TSNARE1: variants seen among roughly 807,000 people sequenced by gnomAD.
The protein encoded by TSNARE1 is t-SNARE domain containing 1.
Under a neutral mutation model 62.0 loss-of-function variants are expected in TSNARE1, and 49 were observed. That is an observed-to-expected ratio of 0.79 (90% confidence interval 0.63 to 1.00). TSNARE1 has a LOEUF of 1.00. Ranked by LOEUF, TSNARE1 falls within the 50% of genes least tolerant of loss-of-function variation. The pLI, the probability that TSNARE1 is intolerant of heterozygous loss-of-function variation, is 0.00. For missense variants in TSNARE1, 755 were observed against 700.1 expected, an observed-to-expected ratio of 1.08 and a Z score of -0.88; for synonymous variants, 328 against 294.4, an observed-to-expected ratio of 1.11 and a Z score of -1.17.
At chr8:142,338,089 C>T (rs1183008562) in intron 4 of TSNARE1, among the ~76,000 whole-genome samples, 4 of 152,214 alleles carry the variant, frequency 2.6e-5, no homozygotes, top group Non-Finnish European at 4.4e-5. Context: ...TAAAACAAAA[C>T]GAAACGTCAG....
chr8:142,231,982 C>T (rs577850917), intron 12 of TSNARE1, among the ~76,000 whole-genome samples: 2 of 152,216 alleles, frequency 1.3e-5, no homozygotes, highest in Non-Finnish European at 1.5e-5. Context: ...AGGAACCATG[C>T]GTGGGGGTCT....
chr8:142,236,929 G>A (rs1563768133), intron 12 of TSNARE1, among the ~76,000 whole-genome samples: 1 of 152,208 alleles, frequency 6.6e-6, no homozygotes, highest in Non-Finnish European at 1.5e-5. Context: ...AGGAAAATGG[G>A]CAGGGGCTGG....
intron 2 of TSNARE1, among the ~76,000 whole-genome samples, chr8:142,350,223 G>A (rs947931464): frequency 7.1e-5 from 10 of 141,680 alleles, no homozygotes; most frequent in South Asian, 4.7e-4. Context: ...CAGGCAGGGC[G>A]GGCAGGGCTG....
intron 10 of TSNARE1, among the ~76,000 whole-genome samples, chr8:142,290,129 C>T (rs932666424): frequency 3.9e-5 from 6 of 152,218 alleles, no homozygotes; most frequent in Non-Finnish European, 8.8e-5. Flanking sequence ...GGCTCCCCCA[C>T]GGGCCTAGGT....
chr8:142,401,329 G>C (rs190130119), intron 1 of TSNARE1, among the ~76,000 whole-genome samples: 1 of 152,158 alleles, frequency 6.6e-6, no homozygotes. Flanking sequence ...ACACAGGAGA[G>C]ACAAACACGG....
intron 11 of TSNARE1, among the ~76,000 whole-genome samples, chr8:142,282,647 T>C (rs866135652): frequency 8.1e-6 from 1 of 123,596 alleles, no homozygotes; most frequent in Non-Finnish European, 1.7e-5. Flanking sequence ...GCGGGGCCAG[T>C]GTCTGTCAAT....
At chr8:142,280,345 G>A (rs573703687) in intron 11 of TSNARE1, 16 of 984,898 alleles carry the variant, frequency 1.6e-5, no homozygotes, top group Non-Finnish European at 1.9e-5. Flanking sequence ...ACCAGAGGCT[G>A]AGCAGGGGGC....
intron 12 of TSNARE1, among the ~76,000 whole-genome samples, chr8:142,241,178 G>T (rs1817654962): frequency 6.6e-6 from 1 of 152,116 alleles, no homozygotes; most frequent in South Asian, 2.1e-4. Flanking sequence ...AAAGTTGCAG[G>T]ATACAAAATC....
chr8:142,238,719 C>T (rs1379945060), intron 12 of TSNARE1, among the ~76,000 whole-genome samples: 5 of 151,322 alleles, frequency 3.3e-5, no homozygotes, highest in Non-Finnish European at 5.9e-5. Context: ...ACACCTGCCC[C>T]TGCACACCCG....
chr8:142,273,378 G>A (rs997677369), intron 12 of TSNARE1: 2 of 985,258 alleles, frequency 2.0e-6, no homozygotes, highest in African/African-American at 3.5e-5. Flanking sequence ...CCGTCACCAG[G>A]CGTCACCTTC....
At chr8:142,317,249 C>T (rs1337807160) in intron 7 of TSNARE1, among the ~76,000 whole-genome samples, 2 of 149,666 alleles carry the variant, frequency 1.3e-5, no homozygotes, top group Admixed American at 6.8e-5. Flanking sequence ...TCACACTGTA[C>T]GCGTGAAGCG....
chr8:142,400,705 T>A (rs1160499908), intron 1 of TSNARE1, among the ~76,000 whole-genome samples: 1 of 152,214 alleles, frequency 6.6e-6, no homozygotes, highest in African/African-American at 2.4e-5. Context: ...AGCCAACTGT[T>A]CTTATGGCCA....
At chr8:142,270,501 T>C in intron 12 of TSNARE1, 1 of 906,354 alleles carries the variant, frequency 1.1e-6, no homozygotes, top group Non-Finnish European at 1.3e-6. Context: ...TATATATATA[T>C]ATTTATGTAT....
At chr8:142,320,033 A>C (rs1242636107) in intron 6 of TSNARE1, among the ~76,000 whole-genome samples, 1 of 152,058 alleles carries the variant, frequency 6.6e-6, no homozygotes, top group Non-Finnish European at 1.5e-5. Context: ...AGGATGCAGA[A>C]GCAGAGTGCC....
chr8:142,331,891 C>A, intron 4 of TSNARE1, 60 bp from the exon 5 acceptor site: 1 of 1,498,468 alleles, frequency 6.7e-7, no homozygotes, highest in Non-Finnish European at 9.1e-7. Flanking sequence ...GCAGGCCCAG[C>A]TCTGCTAACC....
At chr8:142,276,307 A>ACGAC in intron 11 of TSNARE1, 3 of 985,442 alleles carry the variant, frequency 3.0e-6, no homozygotes, top group Non-Finnish European at 3.6e-6. Flanking sequence ...CATTAGGGTC[A>ACGAC]CGACCCTCTG....
chr8:142,335,403 A>G (rs752381696), intron 4 of TSNARE1, among the ~76,000 whole-genome samples: 1 of 152,234 alleles, frequency 6.6e-6, no homozygotes, highest in Non-Finnish European at 1.5e-5. Context: ...CGGGCGTGGG[A>G]CACAGAAGTG....
intron 13 of TSNARE1, among the ~76,000 whole-genome samples, chr8:142,222,794 A>AC: frequency 9.2e-6 from 1 of 109,088 alleles, no homozygotes; most frequent in Admixed American, 9.1e-5. Flanking sequence ...TCACTCACTC[A>AC]TCCACTCACT....
Position 142,343,967 on chromosome 8 carries a change from T to G in TSNARE1, c.744A>C (p.Arg248Ser). The G allele has an allele frequency of 6.6e-7, 1 of 1,523,978 alleles. No individual in the cohort carries two copies. Among genetic ancestry groups the G allele is most frequent in the Non-Finnish European group, 8.8e-7 (1 of 1,135,794 alleles). 94.4% of individuals were successfully genotyped at this position (1,523,978 alleles called of 1,614,324 possible). A position where few individuals can be genotyped will look rare whatever the true frequency, so the allele number is the denominator to read the frequency against. ...AGGTGAGCTGAGCAAGGAACTCACC[T>G]CTGGGCGGCTCCAGACTGAAGCCCT... The part of the protein sequence containing the change: ...PSEGFSLEPP[R>S]ATQVDPCNLQ... Residue 248 changes from arginine (R) to serine (S), a missense_variant and splice_region_variant, in exon 4 of 14, where the codon AGA (arginine) becomes AGC (serine). Transcript: ENST00000524325.
Sources: gnomAD v4.1 joint callset for allele counts (sites outside exome capture counted in the v4.1 genomes callset) on GRCh38, gnomAD v4.1.1 for gene constraint, MANE v1.5 for transcripts, NCBI Gene and HGNC (gene_info 2026-07-23, HGNC 2026-07-21) for gene names.